The following LRRC4C variants were observed in gnomAD, a reference collection of about 807,000 sequenced individuals.
LRRC4C encodes leucine rich repeat containing 4C.
A neutral mutation model predicts 33.6 loss-of-function variants in LRRC4C; 5 were observed. That is an observed-to-expected ratio of 0.15 (90% CI 0.08 to 0.31). The LOEUF is 0.31. LRRC4C is among the 10% of genes least tolerant of loss of function. The probability of loss-of-function intolerance (pLI) is 1.00; values close to 1 mark genes in which losing one functional copy is unlikely to be tolerated. For synonymous variants in LRRC4C, 329 were observed against 302.0 expected (o/e 1.09, Z -0.93); for missense variants, 560 against 796.7 (o/e 0.70, Z 3.58).
At chr11:40,733,656 C>T (rs1299940436) in intron 2 of LRRC4C, among the ~76,000 whole-genome samples, 1 of 152,148 alleles carries the variant, frequency 6.6e-6, no homozygotes, top group East Asian at 1.9e-4. Context: ...GTCCTTTACG[C>T]TAGACTTTAT....
Position 41,347,231 on chromosome 11 carries a change from A to G in LRRC4C, c.-496+112200T>C, listed in dbSNP as rs142178869. Among the ~76,000 whole-genome samples, 285 of 152,182 alleles carry G rather than the reference A, an allele frequency of 1.9e-3. 1 individual carries two copies. Among genetic ancestry groups the G allele is most frequent in the African/African-American group, 6.6e-3 (276 of 41,530 alleles). On this transcript the variant is annotated intron_variant, in intron 1 of 6. Transcript: ENST00000528697. Reference sequence around the variant, plus strand: ...TTATAGCACAGGAGGATCTATATTCACCCTTTCATAATGAATAGATTTTTA... The same window carrying G: ...TTATAGCACAGGAGGATCTATATTCGCCCTTTCATAATGAATAGATTTTTA...
intron 1 of LRRC4C, among the ~76,000 whole-genome samples, chr11:41,415,853 A>G (rs1358308459): frequency 6.6e-6 from 1 of 152,116 alleles, no homozygotes; most frequent in Non-Finnish European, 1.5e-5. Context: ...CAGAGGAGGA[A>G]TGAGAATATA....
intron 1 of LRRC4C, among the ~76,000 whole-genome samples, chr11:41,155,785 CTTTTCCGCTT>C (rs1339318459): frequency 6.6e-6 from 1 of 152,128 alleles, no homozygotes; most frequent in Non-Finnish European, 1.5e-5. Flanking sequence ...ATCTCTCTCT[CTTTTCCGCTT>C]TGCTTCTCGA....
At chr11:40,543,815 A>G (rs563799476) in intron 3 of LRRC4C, among the ~76,000 whole-genome samples, 1 of 152,230 alleles carries the variant, frequency 6.6e-6, no homozygotes, top group African/African-American at 2.4e-5. Context: ...AAACTTGTCA[A>G]CAGTGATCAT....
intron 3 of LRRC4C, among the ~76,000 whole-genome samples, chr11:40,560,814 AG>A (rs1957518605): frequency 1.3e-5 from 2 of 152,200 alleles, no homozygotes; most frequent in South Asian, 4.1e-4. Context: ...TTAAAGTCAC[AG>A]ATAATCTGCA....
chr11:40,956,041 A>G (rs16935201), intron 1 of LRRC4C, among the ~76,000 whole-genome samples: 9,698 of 151,814 alleles, frequency 0.064, 431 homozygotes, highest in South Asian at 0.18. Context: ...TTTTCTATAT[A>G]CTCCTGTTAG....
At chr11:40,916,338 A>G (rs1157323501) in intron 2 of LRRC4C, among the ~76,000 whole-genome samples, 2 of 152,234 alleles carry the variant, frequency 1.3e-5, no homozygotes, top group East Asian at 3.8e-4. Flanking sequence ...AAAATGTGGC[A>G]CATATACACC....
At chr11:41,147,221 G>A (rs1943766404) in intron 1 of LRRC4C, among the ~76,000 whole-genome samples, 1 of 152,160 alleles carries the variant, frequency 6.6e-6, no homozygotes, top group Non-Finnish European at 1.5e-5. Flanking sequence ...AGAGCACACA[G>A]ATCTCTCACA....
chr11:41,012,877 G>C (rs550582649), intron 1 of LRRC4C, among the ~76,000 whole-genome samples: 2 of 152,226 alleles, frequency 1.3e-5, no homozygotes, highest in Admixed American at 6.5e-5. Flanking sequence ...TTGGCCATCT[G>C]TATGTGTTCT....
intron 2 of LRRC4C, among the ~76,000 whole-genome samples, chr11:40,811,677 T>G (rs2135389920): frequency 6.6e-6 from 1 of 152,206 alleles, no homozygotes. Context: ...TTTTATATTT[T>G]AGTAGAGAAG....
chr11:41,277,722 T>G (rs182476284), intron 1 of LRRC4C, among the ~76,000 whole-genome samples: 1 of 152,302 alleles, frequency 6.6e-6, no homozygotes, highest in East Asian at 1.9e-4. Flanking sequence ...TGCCTGAAAT[T>G]ATGTTAGTCG....
chr11:40,150,488 T>C (rs1049350852), intron 5 of LRRC4C, among the ~76,000 whole-genome samples: 1 of 152,268 alleles, frequency 6.6e-6, no homozygotes, highest in Non-Finnish European at 1.5e-5. Context: ...ATGGTCTTGC[T>C]CTGTTGCCCA....
chr11:40,397,864 AC>A (rs1269122182), intron 3 of LRRC4C, among the ~76,000 whole-genome samples: 2 of 152,080 alleles, frequency 1.3e-5, no homozygotes, highest in Non-Finnish European at 2.9e-5. Flanking sequence ...AAAAATAAGC[AC>A]TTTTATATAG....
At chr11:41,148,473 C>T (rs547669676) in intron 1 of LRRC4C, among the ~76,000 whole-genome samples, 58 of 152,162 alleles carry the variant, frequency 3.8e-4, no homozygotes, top group Non-Finnish European at 6.3e-4. Context: ...AAATACCCAA[C>T]TTGATTTTGA....
chr11:41,225,882 T>C (rs1443741525), intron 1 of LRRC4C, among the ~76,000 whole-genome samples: 3 of 152,024 alleles, frequency 2.0e-5, no homozygotes, highest in African/African-American at 7.3e-5. Flanking sequence ...ATTTAATGAA[T>C]TGTGGTGGAA....
intron 1 of LRRC4C, among the ~76,000 whole-genome samples, chr11:41,144,747 T>A (rs1445234225): frequency 6.6e-6 from 1 of 152,198 alleles, no homozygotes; most frequent in African/African-American, 2.4e-5. Flanking sequence ...AGTTACTCAA[T>A]TACCCATTGC....
rs115835106 is a variant in LRRC4C, at chr11:40,825,392, G to T, written c.-407+108243C>A. On this transcript the variant is annotated intron_variant, in intron 2 of 6. Transcript: ENST00000528697. ...TTCTGCAGAATTACCCAGTGAGGCTGGCCTCATTGGAGTACTGCCTAGTTC... is the reference window on the plus strand; with the variant it reads ...TTCTGCAGAATTACCCAGTGAGGCTTGCCTCATTGGAGTACTGCCTAGTTC... 5.0e-3 allele frequency among the ~76,000 whole-genome samples: 755 copies of T among 151,900 alleles called. 8 individuals carry two copies. Among genetic ancestry groups the T allele is most frequent in the African/African-American group, 0.017 (725 of 41,470 alleles).
intron 2 of LRRC4C, among the ~76,000 whole-genome samples, chr11:40,913,482 A>T (rs543782747): frequency 7.9e-5 from 12 of 152,306 alleles, no homozygotes; most frequent in Admixed American, 2.0e-4. Context: ...AGAAATAAAG[A>T]TGTTCTTTGA....
chr11:40,200,784 A>AG (rs1554971908), intron 5 of LRRC4C, among the ~76,000 whole-genome samples: 1 of 78,438 alleles, frequency 1.3e-5, no homozygotes, highest in African/African-American at 4.8e-5. Context: ...AAAAAAAAAA[A>AG]AAAAGAAAAG....
Sources: gnomAD v4.1 joint callset for allele counts (sites outside exome capture counted in the v4.1 genomes callset) on GRCh38, gnomAD v4.1.1 for gene constraint, MANE v1.5 for transcripts, NCBI Gene and HGNC (gene_info 2026-07-23, HGNC 2026-07-21) for gene names.